The following FAM120C variants were observed in gnomAD, a reference collection of about 807,000 sequenced individuals.
FAM120C encodes constitutive coactivator of PPAR-gamma-like protein 2.
FAM120C carries 14 observed loss-of-function variants against 71.2 expected under a neutral mutation model. The observed-to-expected ratio is 0.20, with a 90% CI of 0.13 to 0.31. The LOEUF (loss-of-function observed/expected upper bound fraction) is 0.31. Among genes scored for constraint, FAM120C ranks in the 10% least tolerant of loss-of-function variants. The pLI is 1.00. For missense variants in FAM120C, 500 were observed against 879.0 expected, an observed-to-expected ratio of 0.57 and a Z score of 5.45; for synonymous variants, 354 against 353.2, an observed-to-expected ratio of 1.00 and a Z score of -0.03.
intron 1 of FAM120C, 145 bp from the exon 2 acceptor site, chrX:54,159,761 CT>C (rs782661576): frequency 0.17 from 52,108 of 299,473 alleles, no homozygotes; most frequent in East Asian, 0.21. Context: ...ACATTTTTTA[CT>C]TTTTTTTTTT....
chrX:54,170,290 C>T (rs1223888559), intron 1 of FAM120C, among the ~76,000 whole-genome samples: 2 of 110,611 alleles, frequency 1.8e-5, no homozygotes, highest in Non-Finnish European at 3.8e-5. Flanking sequence ...GCGCCCACCA[C>T]CACGCCCAGC....
rs985609378 is a variant in FAM120C, at chrX:54,087,746, T to C, written c.2637+9A>G. 8.3e-7 allele frequency: 1 copy of C among 1,204,873 alleles called. No individual in the cohort carries two copies. Among genetic ancestry groups the C allele is most frequent in the Non-Finnish European group, 1.1e-6 (1 of 892,065 alleles). ...AGAGCTAGTCCTTAGCAGCCTGACA[T>C]GCTGGTACCTGGCCATCACAGAGCT... On this transcript the variant is annotated intron_variant, in intron 12 of 15. Transcript: ENST00000375180.
intron 1 of FAM120C, among the ~76,000 whole-genome samples, chrX:54,167,006 T>A (rs1018032440): frequency 1.5e-4 from 17 of 110,822 alleles, no homozygotes; most frequent in African/African-American, 5.2e-4. Context: ...ATGAAAACAG[T>A]CCTTTTACTC....
intron 1 of FAM120C, 149 bp downstream of exon 1, chrX:54,182,351 G>A (rs2067354720): frequency 7.8e-6 from 5 of 637,871 alleles, no homozygotes; most frequent in East Asian, 7.1e-5. Flanking sequence ...AATGGTAGAG[G>A]GTAGTTAGGC....
At chrX:54,146,156 G>A (rs1339674985) in intron 4 of FAM120C, among the ~76,000 whole-genome samples, 1 of 108,234 alleles carries the variant, frequency 9.2e-6, no homozygotes, top group Non-Finnish European at 1.9e-5. Context: ...GGGGCCTCTC[G>A]TGGGGTGGGG....
At chrX:54,157,575 C>T (rs2067216522) in intron 3 of FAM120C, 114 bp downstream of exon 3, 7 of 566,794 alleles carry the variant, frequency 1.2e-5, no homozygotes, top group South Asian at 9.4e-5. Context: ...ATATTTTTTT[C>T]TTTTGTATGT....
At chrX:54,079,260 CAAAAAAAA>C (rs1334413922) in intron 15 of FAM120C, among the ~76,000 whole-genome samples, 2 of 45,900 alleles carry the variant, frequency 4.4e-5, no homozygotes, top group East Asian at 6.9e-4. Context: ...AGACTCATCT[CAAAAAAAA>C]AAAAAAAAAG....
intron 13 of FAM120C, among the ~76,000 whole-genome samples, chrX:54,083,474 CA>C (rs2066778184): frequency 9.4e-6 from 1 of 106,322 alleles, no homozygotes; most frequent in African/African-American, 3.6e-5. Context: ...CACACACACA[CA>C]CACCAAAATA....
intron 4 of FAM120C, among the ~76,000 whole-genome samples, chrX:54,138,926 A>C (rs2067108899): frequency 9.0e-6 from 1 of 111,665 alleles, no homozygotes; most frequent in South Asian, 3.7e-4. Flanking sequence ...GGGCTTTTTC[A>C]TTTATCAAGC....
At chrX:54,111,170 G>A (rs2066935374) in intron 10 of FAM120C, among the ~76,000 whole-genome samples, 1 of 110,887 alleles carries the variant, frequency 9.0e-6, no homozygotes, top group Admixed American at 9.8e-5. Context: ...GCAGTGAGCT[G>A]TGATTGTGCC....
intron 7 of FAM120C, 145 bp from the exon 8 acceptor site, chrX:54,134,191 C>T: frequency 1.8e-6 from 1 of 542,397 alleles, no homozygotes; most frequent in Admixed American, 3.9e-5. Flanking sequence ...GGTACCTTTC[C>T]TCTCAATGGC....
intron 4 of FAM120C, among the ~76,000 whole-genome samples, chrX:54,137,254 AT>A (rs782260170): frequency 1.8e-5 from 2 of 109,645 alleles, no homozygotes; most frequent in Non-Finnish European, 3.8e-5. Flanking sequence ...TGCCCGGCCA[AT>A]TTTTTTTTAT....
chrX:54,128,548 T>C (rs2067041104), intron 9 of FAM120C, among the ~76,000 whole-genome samples: 1 of 109,183 alleles, frequency 9.2e-6, no homozygotes. Context: ...CATAGGACAA[T>C]AGTGGAGGGA....
chrX:54,169,108 A>T (rs1387437997), intron 1 of FAM120C, among the ~76,000 whole-genome samples: 2 of 111,193 alleles, frequency 1.8e-5, no homozygotes, highest in African/African-American at 6.5e-5. Flanking sequence ...AGCCTGGGCA[A>T]CACAGTGAGA....
At chrX:54,170,462 C>T (rs2067282147) in intron 1 of FAM120C, among the ~76,000 whole-genome samples, 1 of 111,862 alleles carries the variant, frequency 8.9e-6, no homozygotes, top group South Asian at 3.7e-4. Context: ...TACTCTTAGG[C>T]TGCCAGAAGC....
intron 9 of FAM120C, among the ~76,000 whole-genome samples, chrX:54,128,516 G>A (rs1367857618): frequency 1.7e-4 from 18 of 106,559 alleles, no homozygotes; most frequent in African/African-American, 5.2e-4. Flanking sequence ...GGTGTTTCTC[G>A]CAGAGGGGGA....
intron 1 of FAM120C, 145 bp from the exon 2 acceptor site, chrX:54,159,761 C>CT (rs782661576): frequency 0.032 from 10,541 of 333,120 alleles, 2 homozygotes; most frequent in Non-Finnish European, 0.034. Flanking sequence ...ACATTTTTTA[C>CT]TTTTTTTTTT....
chrX:54,085,085 A>G (rs1260432990), intron 13 of FAM120C, among the ~76,000 whole-genome samples: 2 of 111,778 alleles, frequency 1.8e-5, no homozygotes, highest in African/African-American at 6.5e-5. Context: ...GCCTATATGG[A>G]AGGAATGAAC....
rs782141257 is a variant in FAM120C, at chrX:54,182,613, G to A, written c.586C>T (p.Leu196=). Residue 196 remains leucine, a synonymous_variant, in exon 1 of 16, where the codon CTG becomes TTG. Coordinates refer to ENST00000375180, the MANE Select transcript of FAM120C (RefSeq NM_017848.6). ...RCQAERQTAQ[L]IVGHVGNKGT... is the part of the protein sequence containing the mutation. ...TTGTTGCCCACGTGTCCCACGATCAGTTGCGCTGTCTGCCGCTCGGCCTGG... is the reference window on the plus strand; with the variant it reads ...TTGTTGCCCACGTGTCCCACGATCAATTGCGCTGTCTGCCGCTCGGCCTGG... 8.3e-7 allele frequency: 1 copy of A among 1,208,812 alleles called. No homozygotes were observed. The highest frequency in any genetic ancestry group is 1.8e-5 in the South Asian group (1 of 56,431).
Sources: allele counts gnomAD v4.1 joint callset (sites outside exome capture counted in the v4.1 genomes callset), GRCh38; gene constraint gnomAD v4.1.1; transcripts MANE v1.5; gene names NCBI Gene and HGNC (gene_info 2026-07-23, HGNC 2026-07-21).